ASB16: variants seen among roughly 807,000 people sequenced by gnomAD.
The protein encoded by ASB16 is ankyrin repeat and SOCS box containing 16, also known as ankyrin repeat and SOCS box protein 16.
Under a neutral mutation model 39.1 loss-of-function variants are expected in ASB16, and 44 were observed. That is an observed-to-expected ratio of 1.13 (90% CI 0.88 to 1.45). The LOEUF is 1.45. ASB16 is among the 40% of genes most tolerant of loss of function. ASB16 has a pLI of 0.00. For missense variants in ASB16, 698 were observed against 634.5 expected, an observed-to-expected ratio of 1.10 and a Z score of -1.07; for synonymous variants, 305 against 286.7, an observed-to-expected ratio of 1.06 and a Z score of -0.64.
intron 2 of ASB16, among the ~76,000 whole-genome samples, chr17:44,174,140 C>T (rs1396418733): frequency 2.6e-5 from 4 of 151,496 alleles, no homozygotes; most frequent in South Asian, 4.2e-4. Flanking sequence ...CCCGGGTTCC[C>T]GCCATTCTCC....
Position 44,177,604 on chromosome 17 carries a change from C to T in ASB16, c.1063-5C>T, listed in dbSNP as rs2054317751. 1 of 1,613,078 alleles carries T rather than the reference C, an allele frequency of 6.2e-7. No individual in the cohort carries two copies. The highest frequency in any genetic ancestry group is 8.5e-7 in the Non-Finnish European group (1 of 1,179,344). ...ATGTGCCCAAGACCCTCTTTTGACC[C>T]CTAGATGCTGAAACACTGCGCCAAC... On this transcript the variant is annotated splice_polypyrimidine_tract_variant and splice_region_variant and intron_variant, in intron 3 of 4. Coordinates refer to ENST00000293414, the MANE Select transcript of ASB16 (RefSeq NM_080863.5).
At chr17:44,174,035 C>CTT (rs1567730931) in intron 2 of ASB16, among the ~76,000 whole-genome samples, 1 of 127,790 alleles carries the variant, frequency 7.8e-6, no homozygotes. Flanking sequence ...CCACACCTGG[C>CTT]TATTTTTTTT....
chr17:44,174,293 C>T (rs1026006098), intron 2 of ASB16, among the ~76,000 whole-genome samples: 4 of 152,138 alleles, frequency 2.6e-5, no homozygotes, highest in Non-Finnish European at 5.9e-5. Context: ...GATCCACCCG[C>T]CTCGGCCTCC....
rs2054249404 is a variant in ASB16 at position 44,172,247 on chromosome 17, A to C, written c.503A>C (p.Lys168Thr). 1 of 1,613,740 alleles carries C rather than the reference A, an allele frequency of 6.2e-7. No individual in the cohort carries two copies. ...CGGCTGCTGCTGACCTTCGGAGCCA[A>C]GGCTAATGTGCTGACTGAGGAGGGC... ...CVRLLLTFGAKANVLTEEGTT... is the reference protein window; with the variant it reads ...CVRLLLTFGATANVLTEEGTT... The change falls in exon 2 of 5, where the codon AAG (lysine) becomes ACG (threonine). Residue 168 changes from lysine (K) to threonine (T), a missense_variant. Coordinates refer to ENST00000293414, the MANE Select transcript of ASB16 (RefSeq NM_080863.5).
chr17:44,174,336 C>T (rs1274758671), intron 2 of ASB16, among the ~76,000 whole-genome samples: 3 of 152,098 alleles, frequency 2.0e-5, no homozygotes, highest in African/African-American at 4.8e-5. Flanking sequence ...TGAGCCACCG[C>T]GCCCGGCCCA....
rs768528706 is a variant in ASB16 at position 44,170,849 on chromosome 17, G to A, written c.60G>A (p.Gln20=). 11 of 1,611,684 alleles carry A rather than the reference G, an allele frequency of 6.8e-6. No individual in the cohort carries two copies. The highest frequency in any genetic ancestry group is 3.3e-5 in the South Asian group (3 of 90,938). Residue 20 remains glutamine, a synonymous_variant, in exon 1 of 5, where the codon CAG becomes CAA. Coordinates refer to ENST00000293414, the MANE Select transcript of ASB16 (RefSeq NM_080863.5). ...TGCTGCGCTCTCTCCGCCTGCAGCA[G>A]GAGTGGCTGGAATGGGAGGACCGGC... ...SSMLRSLRLQ[Q]EWLEWEDRRR... is the part of the protein sequence containing the mutation.
chr17:44,177,061 G>T lies in ASB16; in HGVS notation c.893G>T (p.Gly298Val). Residue 298 changes from glycine (G) to valine (V), a missense_variant, in exon 3 of 5, where the codon GGC becomes GTC. By Grantham distance (109) the Gly-to-Val change is moderately radical (BLOSUM62 -3). Transcript: ENST00000293414. ...AACGCTTGTGCCAACGGCTGCGGGGGCCTGGCCGAGCTGCTGCTGCGTTAC... is the reference window on the plus strand; with the variant it reads ...AACGCTTGTGCCAACGGCTGCGGGGTCCTGGCCGAGCTGCTGCTGCGTTAC... ...LHNACANGCG[G>V]LAELLLRYGA... 3 of 1,472,844 alleles carry T rather than the reference G, an allele frequency of 2.0e-6. No individual in the cohort carries two copies. In the South Asian group the frequency reaches 4.0e-5, roughly 20 times the overall value. The allele number at this position is 1,472,844 out of a possible 1,614,324, so 91.2% of individuals were successfully genotyped here.
intron 1 of ASB16, 45 bp downstream of exon 1, chr17:44,171,135 G>C (rs1190817058): frequency 1.9e-6 from 3 of 1,567,816 alleles, no homozygotes; most frequent in Non-Finnish European, 2.6e-6. Context: ...AGAAAGAAGG[G>C]GAGTGGGTGG....
At chr17:44,171,855 G>T (rs111872023) in intron 1 of ASB16, among the ~76,000 whole-genome samples, 191 bp from the exon 2 acceptor site, 5 of 152,136 alleles carry the variant, frequency 3.3e-5, no homozygotes, top group South Asian at 2.1e-4. Flanking sequence ...GTATTAAAAG[G>T]CTGTTCCAAT....
chr17:44,171,556 C>T (rs2054242719), intron 1 of ASB16, among the ~76,000 whole-genome samples: 1 of 53,232 alleles, frequency 1.9e-5, no homozygotes, highest in Admixed American at 1.9e-4. Context: ...GAGCGAGACC[C>T]TGCCTAAAAA....
intron 2 of ASB16, among the ~76,000 whole-genome samples, chr17:44,175,342 C>T (rs2144185721): frequency 7.5e-6 from 1 of 134,004 alleles, no homozygotes; most frequent in South Asian, 2.3e-4. Flanking sequence ...GCGGAACTTG[C>T]AGTGAGCAGA....
rs912280763 is a variant in ASB16, at chr17:44,176,823, G to A, written c.655G>A (p.Ala219Thr). The change falls in exon 3 of 5, where the codon GCG becomes ACG. Residue 219 changes from alanine (A) to threonine (T), a missense_variant. By Grantham distance (58) the Ala-to-Thr change is moderately conservative. Transcript: ENST00000293414. The part of the protein sequence containing the change: ...SQETPLHVAA[A>T]RGLEQHVALY... ...GGAGACGCCCCTGCACGTGGCGGCG[G>A]CGCGCGGCCTGGAGCAACATGTGGC... 1 of 1,613,020 alleles carries A rather than the reference G, an allele frequency of 6.2e-7. No homozygotes were observed. The highest frequency in any genetic ancestry group is 8.5e-7 in the Non-Finnish European group (1 of 1,179,642).
chr17:44,172,173 T>C lies in ASB16; in HGVS notation c.429T>C (p.Gly143=), dbSNP rs765847586. The change falls in exon 2 of 5, where the codon GGT becomes GGC. Residue 143 remains glycine (G), a synonymous_variant. Transcript: ENST00000293414. ...CTGAGCTGGATGCCCGTGTCGGGGG[T>C]CGCGCTGCCTTGCATGAGGCCTGTG... ...QGAELDARVG[G]RAALHEACAR... is the part of the protein sequence containing the mutation. The C allele has an allele frequency of 1.9e-6, 3 of 1,611,144 alleles. No homozygotes were observed. The South Asian group carries it at 3.3e-5, about 18-fold the overall frequency.
chr17:44,178,112 G>A (rs1442675403), intron 4 of ASB16, 93 bp from the exon 5 acceptor site: 3 of 1,332,494 alleles, frequency 2.3e-6, no homozygotes, highest in East Asian at 4.7e-5. Flanking sequence ...CACCCAGGTG[G>A]GTGCATGCTG....
In ASB16 at chr17:44,170,922, C is replaced by T; in HGVS notation, c.133C>T (p.Pro45Ser). ...QCRSRRCPSS[P>S]RARLTRPHRS... ...CCGGAGCCGCAGGTGCCCGTCAAGT[C>T]CCCGGGCCCGACTCACTAGGCCTCA... Residue 45 changes from proline (P) to serine (S), a missense_variant, in exon 1 of 5, where the codon CCC becomes TCC. Transcript: ENST00000293414. 1 of 1,613,042 alleles carries T rather than the reference C, an allele frequency of 6.2e-7. No individual in the cohort carries two copies. Among genetic ancestry groups the T allele is most frequent in the Non-Finnish European group, 8.5e-7 (1 of 1,179,856 alleles).
Position 44,177,800 on chromosome 17 carries a change from GAGC to G in ASB16, c.1176+84_1176+86del. The G allele has an allele frequency of 2.6e-6, 4 of 1,554,934 alleles. No homozygotes were observed. In the South Asian group the frequency reaches 4.9e-5, roughly 19 times the overall value. ...TCCTTCAGGACCAGCCTCATGGAGG[GAGC>G]AGCAGGAGGGCCCCTGGGTAGAGAG... On this transcript the variant is annotated intron_variant, in intron 4 of 4. Transcript: ENST00000293414.
At chr17:44,171,174 C>A in intron 1 of ASB16, 84 bp downstream of exon 1, 1 of 1,387,008 alleles carries the variant, frequency 7.2e-7, no homozygotes, top group Non-Finnish European at 9.8e-7. Flanking sequence ...GCCCCTCCTT[C>A]CCTGCAGACC....
At position 44,172,318 on chromosome 17, in the gene ASB16, G is replaced by A; in HGVS notation, c.569+5G>A. The A allele has an allele frequency of 1.2e-6, 2 of 1,607,354 alleles. No homozygotes were observed. Among genetic ancestry groups the A allele is most frequent in the Non-Finnish European group, 1.7e-6 (2 of 1,178,012 alleles). Reference sequence around the variant, plus strand: ...CACGATCCCCGAGTCCTTGCAGTAGGTGCCTGGGGGCTGAGACAGTTTGGG... The same window carrying A: ...CACGATCCCCGAGTCCTTGCAGTAGATGCCTGGGGGCTGAGACAGTTTGGG... On this transcript the variant is annotated splice_donor_5th_base_variant and intron_variant, in intron 2 of 4. Coordinates refer to ENST00000293414, the MANE Select transcript of ASB16 (RefSeq NM_080863.5).
At position 44,176,753 on chromosome 17, in the gene ASB16, G is replaced by A. The variant is rs760078029; in HGVS notation, c.585G>A (p.Leu195=). 2.5e-5 allele frequency: 40 copies of A among 1,613,918 alleles called. No homozygotes were observed. In the East Asian group the frequency reaches 7.8e-4, roughly 31 times the overall value. ...IPESLQCAKL[L]LEAGATVNLA... is the part of the protein sequence containing the mutation. ...TTGTCCCCAGGTGCGCCAAGTTGCT[G>A]CTGGAAGCAGGAGCGACGGTGAACC... The change falls in exon 3 of 5, where the codon CTG becomes CTA. Residue 195 remains leucine, a synonymous_variant. Transcript: ENST00000293414.
Sources: allele counts gnomAD v4.1 joint callset (sites outside exome capture counted in the v4.1 genomes callset), GRCh38; gene constraint gnomAD v4.1.1; transcripts MANE v1.5; gene names NCBI Gene and HGNC (gene_info 2026-07-23, HGNC 2026-07-21).